LMBR1: variants seen among roughly 807,000 people sequenced by gnomAD.
LMBR1 encodes the protein limb development membrane protein 1.
Under a neutral mutation model 73.9 loss-of-function variants are expected in LMBR1, and 52 were observed. That is an observed-to-expected ratio of 0.70 (90% CI 0.56 to 0.89). LMBR1 has a LOEUF of 0.89. LMBR1 is among the 40% of genes least tolerant of loss of function. LMBR1 has a pLI of 0.00. For synonymous variants in LMBR1, 215 were observed against 209.4 expected, an observed-to-expected ratio of 1.03 and a Z score of -0.23; for missense variants, 539 against 579.8, an observed-to-expected ratio of 0.93 and a Z score of 0.72.
At chr7:156,885,355 A>C (rs1801715122) in intron 1 of LMBR1, among the ~76,000 whole-genome samples, 1 of 148,058 alleles carries the variant, frequency 6.8e-6, no homozygotes, top group Admixed American at 6.7e-5. Context: ...TCCGTGTAAA[A>C]GAAAAAAAAA....
At chr7:156,892,058 A>G (rs921627596) in intron 1 of LMBR1, among the ~76,000 whole-genome samples, 14 of 152,230 alleles carry the variant, frequency 9.2e-5, no homozygotes, top group Non-Finnish European at 1.9e-4. Context: ...CAATTACAAT[A>G]CATTCTAGAG....
intron 1 of LMBR1, among the ~76,000 whole-genome samples, chr7:156,860,393 G>A (rs1006387735): frequency 6.6e-5 from 10 of 152,088 alleles, no homozygotes; most frequent in African/African-American, 1.9e-4. Context: ...GGAAAGACCC[G>A]CCTCGTGATT....
chr7:156,773,212 G>A (rs1825529484), intron 5 of LMBR1, among the ~76,000 whole-genome samples: 1 of 152,028 alleles, frequency 6.6e-6, no homozygotes, highest in South Asian at 2.1e-4. Context: ...ACAAACAAAT[G>A]CAAAAACATT....
At chr7:156,755,167 T>C (rs552726850) in intron 9 of LMBR1, among the ~76,000 whole-genome samples, 8 of 152,258 alleles carry the variant, frequency 5.3e-5, no homozygotes, top group Non-Finnish European at 1.2e-4. Context: ...TTTACTGATT[T>C]TGGCTTGGCT....
At chr7:156,737,036 G>A (rs996405457) in intron 9 of LMBR1, among the ~76,000 whole-genome samples, 3 of 152,034 alleles carry the variant, frequency 2.0e-5, no homozygotes, top group East Asian at 3.9e-4. Context: ...CTGCCTGCCC[G>A]CGTCTCCTGT....
chr7:156,881,948 G>T (rs12532280), intron 1 of LMBR1, among the ~76,000 whole-genome samples: 3 of 152,030 alleles, frequency 2.0e-5, no homozygotes, highest in East Asian at 1.9e-4. Context: ...CAAAACTACC[G>T]TATGATTCAG....
chr7:156,837,911 C>T (rs1383488043), intron 1 of LMBR1, among the ~76,000 whole-genome samples: 5 of 151,674 alleles, frequency 3.3e-5, no homozygotes, highest in East Asian at 1.9e-4. Context: ...CTCAGCCTGC[C>T]GAGTAACTGG....
At chr7:156,714,439 T>G (rs1461838455) in intron 15 of LMBR1, among the ~76,000 whole-genome samples, 1 of 152,216 alleles carries the variant, frequency 6.6e-6, no homozygotes, top group East Asian at 1.9e-4. Context: ...ATAGAAGGCA[T>G]AGCAGATGTA....
chr7:156,891,808 A>G (rs1449177413), intron 1 of LMBR1, among the ~76,000 whole-genome samples: 1 of 152,218 alleles, frequency 6.6e-6, no homozygotes, highest in Non-Finnish European at 1.5e-5. Flanking sequence ...AATGTGTACC[A>G]AATTCCACTA....
intron 15 of LMBR1, among the ~76,000 whole-genome samples, chr7:156,692,738 T>C (rs2131946902): frequency 6.6e-6 from 1 of 152,256 alleles, no homozygotes; most frequent in East Asian, 1.9e-4. Context: ...GATGACACAG[T>C]GGCCAGTGGG....
At chr7:156,735,501 TACCC>T (rs1219565097) in intron 9 of LMBR1, among the ~76,000 whole-genome samples, 1 of 151,524 alleles carries the variant, frequency 6.6e-6, no homozygotes, top group East Asian at 1.9e-4. Context: ...GAAATTAAAA[TACCC>T]ACTACAACTG....
intron 1 of LMBR1, among the ~76,000 whole-genome samples, chr7:156,851,340 T>TAGAC (rs146321855): frequency 0.03 from 4,528 of 152,334 alleles, 92 homozygotes; most frequent in Middle Eastern, 0.065. Flanking sequence ...AATTGCCCTG[T>TAGAC]GTCTTTCAAC....
intron 4 of LMBR1, among the ~76,000 whole-genome samples, chr7:156,818,116 C>T (rs1210050356): frequency 6.6e-6 from 1 of 152,170 alleles, no homozygotes; most frequent in African/African-American, 2.4e-5. Flanking sequence ...TAGGGACTTA[C>T]TTTTGACTTA....
Position 156,688,039 on chromosome 7 carries a change from T to C in LMBR1, c.1378A>G (p.Lys460Glu), listed in dbSNP as rs1169651902. The change falls in exon 16 of 17, where the codon AAG (lysine) becomes GAG (glutamate). Residue 460 changes from lysine to glutamate, a missense_variant. Coordinates refer to ENST00000353442, the MANE Select transcript of LMBR1 (RefSeq NM_022458.4). The stretch of plus-strand genomic sequence containing the variant: ...TAAACCTCAGGATTACCTAGGGCCT[T>C]GAAAAGTTCTTCTCGAACTGCAGAG... ...FTSAVREELF[K>E]ALGLHKLHLP... 1.2e-6 allele frequency: 2 copies of C among 1,603,062 alleles called. No homozygotes were observed. The highest frequency in any genetic ancestry group is 1.7e-6 in the Non-Finnish European group (2 of 1,176,934).
intron 1 of LMBR1, among the ~76,000 whole-genome samples, chr7:156,882,453 G>A (rs1202609051): frequency 6.6e-6 from 1 of 151,996 alleles, no homozygotes; most frequent in Non-Finnish European, 1.5e-5. Flanking sequence ...AGGAAATTCT[G>A]CAAAATGCAA....
chr7:156,812,311 A>AAC (rs910847933), intron 4 of LMBR1, among the ~76,000 whole-genome samples: 4 of 151,494 alleles, frequency 2.6e-5, no homozygotes, highest in African/African-American at 7.3e-5. Context: ...GTGATTTTTA[A>AAC]ACACACAGAG....
intron 15 of LMBR1, among the ~76,000 whole-genome samples, chr7:156,695,098 C>G (rs1277690856): frequency 6.6e-6 from 1 of 152,158 alleles, no homozygotes; most frequent in East Asian, 1.9e-4. Flanking sequence ...TCACTTGAAG[C>G]AGGAGTTTGA....
In LMBR1 at chr7:156,892,923, C is replaced by A; in HGVS notation, c.66+5G>T. ...ACTGTCAGGGCTGCCTCGGTCCCCACGCACCGTGGACTCCCGCACTTGGCT... is the reference window on the plus strand; with the variant it reads ...ACTGTCAGGGCTGCCTCGGTCCCCAAGCACCGTGGACTCCCGCACTTGGCT... On this transcript the variant is annotated splice_donor_5th_base_variant and intron_variant, in intron 1 of 16. Transcript: ENST00000353442. 6.6e-7 allele frequency: 1 copy of A among 1,522,696 alleles called. No homozygotes were observed. Among genetic ancestry groups the A allele is most frequent in the Non-Finnish European group, 8.8e-7 (1 of 1,142,672 alleles). 94.3% of individuals were successfully genotyped at this position (1,522,696 alleles called of 1,614,324 possible).
chr7:156,674,766 T>A (rs1041126182), downstream of LMBR1, among the ~76,000 whole-genome samples: 1 of 152,228 alleles, frequency 6.6e-6, no homozygotes, highest in African/African-American at 2.4e-5. Context: ...TTGGGTCAGA[T>A]ACAATATTAA....
Sources: allele counts gnomAD v4.1 joint callset (sites outside exome capture counted in the v4.1 genomes callset), GRCh38; gene constraint gnomAD v4.1.1; transcripts MANE v1.5; gene names NCBI Gene and HGNC (gene_info 2026-07-23, HGNC 2026-07-21).